ZSCAN25: variants seen among roughly 807,000 people sequenced by gnomAD.
ZSCAN25 encodes zinc finger and SCAN domain-containing protein 25.
ZSCAN25 carries 27 observed loss-of-function variants against 38.7 expected under a neutral mutation model. That is an observed-to-expected ratio of 0.70 (90% CI 0.51 to 0.96). The LOEUF is 0.96. ZSCAN25 is among the 40% of genes least tolerant of loss of function. The pLI is 0.00. For synonymous variants in ZSCAN25, 273 were observed against 277.7 expected (o/e 0.98, Z 0.17); for missense variants, 637 against 705.9 (o/e 0.90, Z 1.11).
the ZSCAN25 span, chr7:99,674,344 G>A: frequency 2.1e-5 from 10 of 468,092 alleles, no homozygotes; most frequent in South Asian, 1.6e-4. Context: ...AGTTTATAAC[G>A]GCAAGCAGAT....
At chr7:99,648,459 G>A in the ZSCAN25 span, 3 of 1,383,108 alleles carry the variant, frequency 2.2e-6, no homozygotes, top group Non-Finnish European at 3.0e-6. Flanking sequence ...AAGAAAAGAT[G>A]GAAGCAAAGT....
rs1444022092 is a variant in ZSCAN25 at position 99,629,676 on chromosome 7, T to A, written c.1291T>A (p.Tyr431Asn). 6.2e-7 allele frequency: 1 copy of A among 1,614,066 alleles called. No individual in the cohort carries two copies. Among genetic ancestry groups the A allele is most frequent in the Admixed American group, 1.7e-5 (1 of 60,022 alleles). ...GCGCAGCCACACTGGGGAGAAGCCC[T>A]ACAAGTGCGGGGACTGCTGGAAGAG... ...HQRSHTGEKPYKCGDCWKSFS... is the reference protein window; with the variant it reads ...HQRSHTGEKPNKCGDCWKSFS... The change falls in exon 8 of 8, where the codon TAC (tyrosine) becomes AAC (asparagine). Residue 431 changes from tyrosine to asparagine, a missense_variant. By Grantham distance (143) the Tyr-to-Asn change is moderately radical (BLOSUM62 -2). Coordinates refer to ENST00000394152, the MANE Select transcript of ZSCAN25 (RefSeq NM_145115.3). This position sits in a 1 kb window ranked among gnomAD's most constrained non-coding sequence, Gnocchi z 5.6.
chr7:99,662,907 T>G, the ZSCAN25 span: 2 of 1,613,162 alleles, frequency 1.2e-6, no homozygotes, highest in Non-Finnish European at 1.7e-6. The surrounding 1 kb of genome is among the most constrained non-coding windows in gnomAD (Gnocchi z 4.3). Context: ...AGAGATTTCT[T>G]TGGCAGAAAG....
the ZSCAN25 span, among the ~76,000 whole-genome samples, chr7:99,687,832 A>G: frequency 6.6e-6 from 1 of 152,224 alleles, no homozygotes; most frequent in Non-Finnish European, 1.5e-5. Flanking sequence ...CTTGGCAGAA[A>G]CTCTACAAGG....
the ZSCAN25 span, chr7:99,667,104 T>G: frequency 6.4e-7 from 1 of 1,571,118 alleles, no homozygotes; most frequent in Non-Finnish European, 8.7e-7. Flanking sequence ...ACATTAGTTG[T>G]GGTGATCTTC....
At chr7:99,661,457 G>T in the ZSCAN25 span, among the ~76,000 whole-genome samples, 2 of 152,218 alleles carry the variant, frequency 1.3e-5, no homozygotes, top group African/African-American at 2.4e-5. Context: ...AAAGCCAGAA[G>T]CATGGTGATT....
chr7:99,686,877 G>A, the ZSCAN25 span, among the ~76,000 whole-genome samples: 1 of 152,198 alleles, frequency 6.6e-6, no homozygotes, highest in Non-Finnish European at 1.5e-5. Context: ...TACAGCCACT[G>A]CTGTTCTGCA....
rs1807777845 is a variant in ZSCAN25 at position 99,629,312 on chromosome 7, CT to C, written c.928del (p.Cys310ValfsTer77). 15 of 1,614,160 alleles carry C rather than the reference CT, an allele frequency of 9.3e-6. No individual in the cohort carries two copies. The highest frequency in any genetic ancestry group is 1.3e-5 in the Non-Finnish European group (15 of 1,180,028). ...TCCAGGGCCCTGGGCTCGGAAGGGT[CT>C]GTGAGCAGGAGCCTGGTGGCCCTGC... is the stretch of plus-strand genomic sequence containing the variant. ...SLQGPGLGRV[C>X]EQEPGGPAGS... is the part of the protein sequence containing the mutation. On this transcript the variant is annotated frameshift_variant, in exon 8 of 8. Transcript: ENST00000394152. LOFTEE classifies it low-confidence loss of function (END_TRUNC). The surrounding 1 kb of genome is among the most constrained non-coding windows in gnomAD (Gnocchi z 5.6).
In ZSCAN25 at chr7:99,630,155, C is replaced by T. The variant is rs1392172467; in HGVS notation, c.*135C>T. On this transcript the variant is annotated 3_prime_UTR_variant, in exon 8 of 8. Transcript: ENST00000394152. ...TTCGCCAACGCGGGAAAGGCAAGGC[C>T]TGGCTTACTTAGAGCTTCCAGAGAG... is the stretch of plus-strand genomic sequence containing the variant. 7.0e-7 allele frequency: 1 copy of T among 1,423,940 alleles called. No individual in the cohort carries two copies. Among genetic ancestry groups the T allele is most frequent in the Admixed American group, 3.0e-5 (1 of 33,744 alleles). The allele number at this position is 1,423,940 out of a possible 1,614,324, so 88.2% of individuals were successfully genotyped here.
chr7:99,624,275 G>C, intron 7 of ZSCAN25, 95 bp downstream of exon 7: 5 of 1,555,118 alleles, frequency 3.2e-6, no homozygotes, highest in Non-Finnish European at 4.4e-6. Context: ...GGCAAAGGAA[G>C]GGGACTTCAT....
chr7:99,731,280 A>G, the ZSCAN25 span: 1 of 1,037,626 alleles, frequency 9.6e-7, no homozygotes. Flanking sequence ...AAAAAATAAC[A>G]GTAACTCTGA....
the ZSCAN25 span, chr7:99,671,117 T>TTGTGTG: frequency 2.1e-3 from 295 of 141,914 alleles, no homozygotes; most frequent in East Asian, 4.2e-3. Flanking sequence ...CACAGACCAT[T>TTGTGTG]TGTGTGTGTG....
chr7:99,625,339 C>T (rs1347200960), intron 7 of ZSCAN25, among the ~76,000 whole-genome samples: 2 of 152,180 alleles, frequency 1.3e-5, no homozygotes, highest in Admixed American at 6.5e-5. Context: ...CTCATTTATT[C>T]ACCACAGAGG....
chr7:99,643,108 A>G, the ZSCAN25 span, among the ~76,000 whole-genome samples: 1 of 152,136 alleles, frequency 6.6e-6, no homozygotes, highest in African/African-American at 2.4e-5. Context: ...TTTATTTTTG[A>G]AGTAGAAATA....
chr7:99,714,620 C>T, the ZSCAN25 span: 1 of 1,612,002 alleles, frequency 6.2e-7, no homozygotes, highest in Non-Finnish European at 8.5e-7. Flanking sequence ...AAACTTATAA[C>T]TTTTCTTGGA....
At chr7:99,674,535 C>T in the ZSCAN25 span, 9 of 1,613,496 alleles carry the variant, frequency 5.6e-6, no homozygotes, top group Middle Eastern at 1.6e-4. Flanking sequence ...ATACTCACCC[C>T]CACATTTTTC....
the ZSCAN25 span, among the ~76,000 whole-genome samples, chr7:99,691,634 T>G: frequency 1.3e-5 from 2 of 152,208 alleles, no homozygotes; most frequent in Non-Finnish European, 2.9e-5. Flanking sequence ...AATTGATCCC[T>G]TTATCATTAT....
Position 99,630,092 on chromosome 7 carries a change from G to T in ZSCAN25, c.*72G>T. On this transcript the variant is annotated 3_prime_UTR_variant, in exon 8 of 8. Transcript: ENST00000394152. ...GGGCCTTGCGGGGTGCAAGGTGATG[G>T]CTGCAGGAAAGCACTGGTCCCATCG... is the stretch of plus-strand genomic sequence containing the variant. The T allele has an allele frequency of 1.4e-6, 2 of 1,448,480 alleles. No individual in the cohort carries two copies. Among genetic ancestry groups the T allele is most frequent in the South Asian group, 1.5e-5 (1 of 67,872 alleles). 89.7% of individuals were successfully genotyped at this position (1,448,480 alleles called of 1,614,324 possible). A position where few individuals can be genotyped will look rare whatever the true frequency, so the allele number is the denominator to read the frequency against.
chr7:99,720,710 G>A, the ZSCAN25 span: 3 of 337,350 alleles, frequency 8.9e-6, no homozygotes, highest in East Asian at 1.8e-4. Flanking sequence ...TGTTAAGCTG[G>A]GTGGTGCATA....
Sources: allele counts gnomAD v4.1 joint callset (sites outside exome capture counted in the v4.1 genomes callset), GRCh38; gene constraint gnomAD v4.1.1; non-coding constraint Gnocchi (gnomAD v3.1); transcripts MANE v1.5; gene names NCBI Gene and HGNC (gene_info 2026-07-23, HGNC 2026-07-21).